LRMDA: variants seen among roughly 807,000 people sequenced by gnomAD.
LRMDA encodes leucine-rich melanocyte differentiation-associated protein.
Under a neutral mutation model 29.8 loss-of-function variants are expected in LRMDA, and 18 were observed. The observed-to-expected ratio is 0.60, with a 90% CI of 0.42 to 0.90. LRMDA has a LOEUF of 0.90. Ranked by LOEUF, LRMDA falls within the 40% of genes least tolerant of loss-of-function variation. The probability of loss-of-function intolerance (pLI) is 0.00; values close to 1 mark genes in which losing one functional copy is unlikely to be tolerated. For synonymous variants in LRMDA, 125 were observed against 109.4 expected (o/e 1.14, Z -0.89); for missense variants, 273 against 273.9 (o/e 1.00, Z 0.02).
chr10:76,254,659 C>G (rs1022786119), intron 5 of LRMDA, among the ~76,000 whole-genome samples: 5 of 151,982 alleles, frequency 3.3e-5, no homozygotes, highest in African/African-American at 1.2e-4. Flanking sequence ...TCACTAAATG[C>G]ACTTCTGCCT....
chr10:76,148,738 G>A (rs1178624004), intron 5 of LRMDA, among the ~76,000 whole-genome samples: 7 of 152,132 alleles, frequency 4.6e-5, no homozygotes, highest in African/African-American at 7.2e-5. Context: ...AGATGAACCC[G>A]GTACCTCAGT....
rs1221796407 is a variant in LRMDA at position 76,345,338 on chromosome 10, C to G, written c.601+20853C>G. Among the ~76,000 whole-genome samples the G allele has an allele frequency of 2.7e-5, 4 of 150,936 alleles. No homozygotes were observed. The East Asian group carries it at 5.8e-4, about 22-fold the overall frequency. ...CCGCCCGCCTCGGCCTCCCAAAGTGCTGGGATTACAGGCGTGAGCCACCGC... is the reference window on the plus strand; with the variant it reads ...CCGCCCGCCTCGGCCTCCCAAAGTGGTGGGATTACAGGCGTGAGCCACCGC... On this transcript the variant is annotated intron_variant, in intron 6 of 6. Transcript: ENST00000611255.
At chr10:76,355,522 C>T (rs1841228745) in intron 6 of LRMDA, among the ~76,000 whole-genome samples, 1 of 152,118 alleles carries the variant, frequency 6.6e-6, no homozygotes. Flanking sequence ...ATAATGAGTA[C>T]AAAGGACACG....
intron 6 of LRMDA, among the ~76,000 whole-genome samples, chr10:76,333,981 A>G (rs369774686): frequency 2.7e-4 from 41 of 152,296 alleles, no homozygotes; most frequent in African/African-American, 8.9e-4. Context: ...CTCTCCCACC[A>G]TTCATGCATG....
intron 6 of LRMDA, among the ~76,000 whole-genome samples, chr10:76,376,206 C>T (rs10762718): frequency 0.92 from 139,216 of 152,142 alleles, 64,388 homozygotes; most frequent in Non-Finnish European, 0.96. Flanking sequence ...TATATCTATG[C>T]GTATACATTA....
intron 6 of LRMDA, among the ~76,000 whole-genome samples, chr10:76,540,237 A>C (rs1218418655): frequency 1.3e-5 from 2 of 152,210 alleles, no homozygotes; most frequent in Admixed American, 6.5e-5. Context: ...CACAATAAAG[A>C]TGTAACTTTT....
At chr10:76,465,692 C>T (rs1842557673) in intron 6 of LRMDA, among the ~76,000 whole-genome samples, 1 of 152,132 alleles carries the variant, frequency 6.6e-6, no homozygotes, top group Non-Finnish European at 1.5e-5. Flanking sequence ...TAAGAAATGC[C>T]ACTCGCTGGG....
chr10:75,557,485 GC>G (rs1330517398), intron 2 of LRMDA, among the ~76,000 whole-genome samples: 1 of 152,156 alleles, frequency 6.6e-6, no homozygotes, highest in Non-Finnish European at 1.5e-5. Context: ...TTGGGAGGCA[GC>G]CTGGCTATGA....
At chr10:75,547,667 G>A (rs1029648428) in intron 2 of LRMDA, among the ~76,000 whole-genome samples, 3 of 152,182 alleles carry the variant, frequency 2.0e-5, no homozygotes, top group Non-Finnish European at 2.9e-5. Context: ...TTTATGGTAT[G>A]TAATAAATCT....
At chr10:75,479,331 C>G (rs1844831752) in intron 2 of LRMDA, among the ~76,000 whole-genome samples, 1 of 151,990 alleles carries the variant, frequency 6.6e-6, no homozygotes, top group South Asian at 2.1e-4. Context: ...CACGGTGAAA[C>G]CCCGCCTGTA....
At chr10:75,954,706 C>T (rs1029158420) in intron 2 of LRMDA, among the ~76,000 whole-genome samples, 2 of 152,180 alleles carry the variant, frequency 1.3e-5, no homozygotes, top group Non-Finnish European at 2.9e-5. Flanking sequence ...GTTGACATTT[C>T]CTGGTAAGAT....
chr10:76,137,671 C>T (rs1850120520), intron 5 of LRMDA, among the ~76,000 whole-genome samples: 1 of 150,338 alleles, frequency 6.7e-6, no homozygotes, highest in East Asian at 2.0e-4. Flanking sequence ...CCAGATGTCA[C>T]AATGCTCAAC....
chr10:76,285,614 C>A lies in LRMDA; in HGVS notation c.517-38787C>A, dbSNP rs566243701. Among the ~76,000 whole-genome samples the A allele has an allele frequency of 3.9e-5, 6 of 152,078 alleles. No individual in the cohort carries two copies. The East Asian group carries it at 9.7e-4, about 24-fold the overall frequency. ...TATGTATTATTCCAGGTTTTATGCC[C>A]CTGAGGGTCTTTTAGCTGGAGACTT... On this transcript the variant is annotated intron_variant, in intron 5 of 6. Transcript: ENST00000611255.
intron 5 of LRMDA, among the ~76,000 whole-genome samples, chr10:76,072,706 G>C (rs1589314436): frequency 1.3e-5 from 2 of 152,300 alleles, no homozygotes; most frequent in East Asian, 1.9e-4. Context: ...GGAGTGTCCT[G>C]GTGGCCACTG....
intron 2 of LRMDA, among the ~76,000 whole-genome samples, chr10:76,013,066 A>G (rs1040721190): frequency 6.6e-6 from 1 of 152,194 alleles, no homozygotes; most frequent in Non-Finnish European, 1.5e-5. Context: ...AAACCTTTTA[A>G]TTAGTACTAA....
chr10:75,524,520 G>A (rs1845393939), intron 2 of LRMDA, among the ~76,000 whole-genome samples: 1 of 152,132 alleles, frequency 6.6e-6, no homozygotes, highest in Non-Finnish European at 1.5e-5. Flanking sequence ...ACAGTGCCTG[G>A]CATACATAGG....
chr10:75,492,197 C>G (rs1278241827), intron 2 of LRMDA, among the ~76,000 whole-genome samples: 1 of 152,228 alleles, frequency 6.6e-6, no homozygotes, highest in Admixed American at 6.5e-5. Context: ...TTCCAGCCAA[C>G]TGACCCTTTT....
At chr10:76,410,298 C>CTTTTTTTTTTTTTTT (rs1172213249) in intron 6 of LRMDA, among the ~76,000 whole-genome samples, 1 of 66,544 alleles carries the variant, frequency 1.5e-5, no homozygotes, top group Non-Finnish European at 2.8e-5. Context: ...CACTTTCTTT[C>CTTTTTTTTTTTTTTT]TTTTTTTTTT....
rs1469226620 is a variant in LRMDA, at chr10:75,454,226, CAG to C, written c.131+15734_131+15735del. On this transcript the variant is annotated intron_variant, in intron 2 of 6. Coordinates refer to ENST00000611255, the MANE Select transcript of LRMDA (RefSeq NM_001305581.2). ...AATTTCTTTGTAGCCAGCTCCTACA[CAG>C]AAAGGTGGGGGAAGGTTTGAGTAAT... 1.2e-4 allele frequency among the ~76,000 whole-genome samples: 19 copies of C among 152,304 alleles called. No homozygotes were observed. The South Asian group carries it at 2.3e-3, about 18-fold the overall frequency.
Sources: gnomAD v4.1 joint callset for allele counts (sites outside exome capture counted in the v4.1 genomes callset) on GRCh38, gnomAD v4.1.1 for gene constraint, MANE v1.5 for transcripts, NCBI Gene and HGNC (gene_info 2026-07-23, HGNC 2026-07-21) for gene names.